The following ZNF418 variants were observed in gnomAD, a reference collection of about 807,000 sequenced individuals.
The protein encoded by ZNF418 is zinc finger protein 418.
Under a neutral mutation model 32.0 loss-of-function variants are expected in ZNF418, and 32 were observed. The observed-to-expected ratio is 1.00, with a 90% confidence interval of 0.75 to 1.34. ZNF418 has a LOEUF of 1.34. ZNF418 is among the 40% of genes most tolerant of loss of function. The probability of loss-of-function intolerance (pLI) is 0.00; values close to 1 mark genes in which losing one functional copy is unlikely to be tolerated. For missense variants in ZNF418, 804 were observed against 812.5 expected, an observed-to-expected ratio of 0.99 and a Z score of 0.13; for synonymous variants, 276 against 270.7, an observed-to-expected ratio of 1.02 and a Z score of -0.19.
intron 3 of ZNF418, among the ~76,000 whole-genome samples, chr19:57,929,162 C>T (rs1034983576): frequency 1.2e-4 from 18 of 152,136 alleles, no homozygotes; most frequent in African/African-American, 4.1e-4. Flanking sequence ...CATCAGAGTA[C>T]AAGTGACAAG....
chr19:57,923,477 C>T (rs775729434), intron 4 of ZNF418, among the ~76,000 whole-genome samples, 188 bp from the exon 5 acceptor site: 4 of 150,282 alleles, frequency 2.7e-5, no homozygotes, highest in Non-Finnish European at 5.9e-5. Context: ...TATATACATA[C>T]ATATACATAC....
intron 4 of ZNF418, among the ~76,000 whole-genome samples, chr19:57,923,525 T>TACACAC (rs2072085650): frequency 7.0e-6 from 1 of 143,788 alleles, no homozygotes; most frequent in African/African-American, 2.7e-5. Flanking sequence ...TATACATATA[T>TACACAC]ACATATATAT....
Position 57,926,730 on chromosome 19 carries a change from C to T in ZNF418, c.1451G>A (p.Cys484Tyr), listed in dbSNP as rs2072245223. 1.2e-6 allele frequency: 2 copies of T among 1,614,048 alleles called. No individual in the cohort carries two copies. The highest frequency in any genetic ancestry group is 1.3e-5 in the African/African-American group (1 of 74,910). The change falls in exon 4 of 6, where the codon TGT (cysteine) becomes TAT (tyrosine). Residue 484 changes from cysteine to tyrosine, a missense_variant. Cys to Tyr is a radical substitution (Grantham distance 194). This residue lies in a region of ZNF418 where 475 missense variants were observed against 458.6 expected (regional missense o/e 1.04). Transcript: ENST00000396147. ...RVHTGERPYE[C>Y]NECGKSFQDS... Reference sequence around the variant, plus strand: ...TTGAAATGATTTCCCACATTCATTACATTCATATGGCCTTTCTCCAGTGTG... The same window carrying T: ...TTGAAATGATTTCCCACATTCATTATATTCATATGGCCTTTCTCCAGTGTG...
At position 57,927,705 on chromosome 19, in the gene ZNF418, G is replaced by C. The variant is rs183050569; in HGVS notation, c.476C>G (p.Ser159Cys). The C allele has an allele frequency of 6.2e-7, 1 of 1,614,128 alleles. No homozygotes were observed. The highest frequency in any genetic ancestry group is 8.5e-7 in the Non-Finnish European group (1 of 1,180,056). The change falls in exon 4 of 6, where the codon TCT becomes TGT. Residue 159 changes from serine (S) to cysteine (C), a missense_variant. By Grantham distance (112) the Ser-to-Cys change is moderately radical. Around this residue, in one of 3 missense-constraint regions of ZNF418, gnomAD observed 307 missense variants for 304.9 expected, o/e 1.01. Coordinates refer to ENST00000396147, the MANE Select transcript of ZNF418 (RefSeq NM_133460.3). ...GTCCTTTCCACTCTGAATGAAGATA[G>C]ATGACTCCTCTGACACATGGAACTT... ...RCKFHVSEES[S>C]IFIQSGKDFL...
chr19:57,934,788 CCTGGA>C, intron 1 of ZNF418: 1 of 277,648 alleles, frequency 3.6e-6, no homozygotes, highest in Non-Finnish European at 6.7e-6. Flanking sequence ...ACCTTAAAAG[CCTGGA>C]CTTGGATCGC....
intron 5 of ZNF418, among the ~76,000 whole-genome samples, 190 bp from the exon 6 acceptor site, chr19:57,922,819 G>C (rs1476007094): frequency 6.6e-6 from 1 of 151,908 alleles, no homozygotes; most frequent in Non-Finnish European, 1.5e-5. Context: ...GGGCAACATA[G>C]TGAGACCTAA....
Position 57,926,722 on chromosome 19 carries a change from A to G in ZNF418, c.1459T>C (p.Cys487Arg), listed in dbSNP as rs368537391. ...TGERPYECNECGKSFQDSSGF... is the reference protein window; with the variant it reads ...TGERPYECNERGKSFQDSSGF... Reference sequence around the variant, plus strand: ...GAGCTGTCTTGAAATGATTTCCCACATTCATTACATTCATATGGCCTTTCT... The same window carrying G: ...GAGCTGTCTTGAAATGATTTCCCACGTTCATTACATTCATATGGCCTTTCT... Residue 487 changes from cysteine (C) to arginine (R), a missense_variant, in exon 4 of 6, where the codon TGT becomes CGT. This residue lies in a region of ZNF418 where 475 missense variants were observed against 458.6 expected (regional missense o/e 1.04). Transcript: ENST00000396147. 5.0e-5 allele frequency: 80 copies of G among 1,614,020 alleles called. No homozygotes were observed. The highest frequency in any genetic ancestry group is 4.4e-4 in the African/African-American group (33 of 74,896).
At chr19:57,935,085 AAC>A (rs2072642178) in intron 1 of ZNF418, 74 bp downstream of exon 1, 1 of 1,317,904 alleles carries the variant, frequency 7.6e-7, no homozygotes, top group African/African-American at 1.5e-5. Flanking sequence ...CAGACCTGTG[AAC>A]AGTCGCCGCT....
intron 3 of ZNF418, among the ~76,000 whole-genome samples, chr19:57,929,850 T>G (rs574637933): frequency 6.6e-6 from 1 of 152,086 alleles, no homozygotes; most frequent in South Asian, 2.1e-4. Flanking sequence ...GCCCAGCTAA[T>G]TTTTTTGTAT....
intron 2 of ZNF418, chr19:57,932,495 T>A (rs902778464): frequency 2.0e-6 from 3 of 1,535,282 alleles, no homozygotes; most frequent in African/African-American, 1.4e-5. Flanking sequence ...CCTTCTTGCA[T>A]GGCTCCACAT....
chr19:57,924,327 C>T (rs1458016188), intron 4 of ZNF418, among the ~76,000 whole-genome samples: 1 of 152,168 alleles, frequency 6.6e-6, no homozygotes, highest in African/African-American at 2.4e-5. Context: ...GACCACATCA[C>T]TGGACTAAGA....
Position 57,926,420 on chromosome 19 carries a change from T to G in ZNF418, c.1761A>C (p.Gly587=). The change falls in exon 4 of 6, where the codon GGA becomes GGC. Residue 587 remains glycine, a synonymous_variant. Transcript: ENST00000396147. ...ATTCCCTGCATTCATAAGGCCTTTC[T>G]CCAGTGTGAACTCTCCTGTGTTCAA... ...SLLEHRRVHT[G]ERPYECRECG... The G allele has an allele frequency of 1.9e-6, 3 of 1,614,216 alleles. No homozygotes were observed. The highest frequency in any genetic ancestry group is 2.5e-6 in the Non-Finnish European group (3 of 1,180,032).
intron 3 of ZNF418, among the ~76,000 whole-genome samples, chr19:57,928,741 C>T (rs2072354051): frequency 6.6e-6 from 1 of 152,052 alleles, no homozygotes; most frequent in Non-Finnish European, 1.5e-5. Context: ...CACCTGTAAT[C>T]CCAGCACTTT....
intron 1 of ZNF418, chr19:57,934,211 C>A: frequency 9.2e-7 from 1 of 1,089,798 alleles, no homozygotes; most frequent in African/African-American, 1.6e-5. Flanking sequence ...GAATGGAACA[C>A]CCTCTAATTC....
In ZNF418 at chr19:57,925,710, G is replaced by A. The variant is rs2072190591; in HGVS notation, c.*440C>T. 2 of 173,550 alleles carry A rather than the reference G, an allele frequency of 1.2e-5. No individual in the cohort carries two copies. Among genetic ancestry groups the A allele is most frequent in the South Asian group, 1.3e-4 (1 of 7,424 alleles). The allele number at this position is 173,550 out of a possible 1,614,324, so 10.8% of individuals were successfully genotyped here. On this transcript the variant is annotated 3_prime_UTR_variant, in exon 4 of 6. Coordinates refer to ENST00000396147, the MANE Select transcript of ZNF418 (RefSeq NM_133460.3). ...ATGATGCACAGTGAACACCTGCCTC[G>A]TGGCCGACATAAAATGGCTTTTGCC...
intron 2 of ZNF418, among the ~76,000 whole-genome samples, chr19:57,932,896 T>C (rs2123055557): frequency 6.6e-6 from 1 of 152,194 alleles, no homozygotes; most frequent in East Asian, 1.9e-4. Flanking sequence ...TGCTTACATC[T>C]CTTATCTATT....
chr19:57,935,002 C>T (rs2072637865), intron 1 of ZNF418, 159 bp downstream of exon 1: 1 of 1,427,926 alleles, frequency 7.0e-7, no homozygotes, highest in Non-Finnish European at 9.2e-7. Context: ...CTCTCCCCAC[C>T]GCATCCCACA....
At chr19:57,930,800 CAG>C (rs1267625684) in intron 2 of ZNF418, among the ~76,000 whole-genome samples, 1 of 152,102 alleles carries the variant, frequency 6.6e-6, no homozygotes, top group African/African-American at 2.4e-5. Context: ...TTTTCTGAGA[CAG>C]AGTCTCGCTC....
rs2072443750 is a variant in ZNF418, at chr19:57,930,565, G to A, written c.7-11C>T. ...AAATGCCACAGTGCCCTGCTATGATGGTGACAGATGAAACCACAAACAGCT... is the reference window on the plus strand; with the variant it reads ...AAATGCCACAGTGCCCTGCTATGATAGTGACAGATGAAACCACAAACAGCT... On this transcript the variant is annotated splice_polypyrimidine_tract_variant and intron_variant, in intron 2 of 5. Transcript: ENST00000396147. 3 of 1,613,802 alleles carry A rather than the reference G, an allele frequency of 1.9e-6. No individual in the cohort carries two copies. Among genetic ancestry groups the A allele is most frequent in the Admixed American group, 3.3e-5 (2 of 59,984 alleles).
Sources: gnomAD v4.1 joint callset for allele counts (sites outside exome capture counted in the v4.1 genomes callset) on GRCh38, gnomAD v4.1.1 for gene constraint, gnomAD v4.1.1 regional missense constraint, MANE v1.5 for transcripts, NCBI Gene and HGNC (gene_info 2026-07-23, HGNC 2026-07-21) for gene names.